The following NECTIN3 variants were observed in gnomAD, a reference collection of about 807,000 sequenced individuals.
NECTIN3 encodes the protein nectin cell adhesion molecule 3, also known as nectin-3.
A neutral mutation model predicts 49.4 loss-of-function variants in NECTIN3; 8 were observed. The observed-to-expected ratio is 0.16, with a 90% CI of 0.10 to 0.29. The LOEUF is 0.29. NECTIN3 is among the 10% of genes least tolerant of loss of function. The probability of loss-of-function intolerance (pLI) is 1.00; values close to 1 mark genes in which losing one functional copy is unlikely to be tolerated. For missense variants in NECTIN3, 581 were observed against 654.6 expected (o/e 0.89, Z 1.23); for synonymous variants, 277 against 241.1 (o/e 1.15, Z -1.38).
rs747000031 is a variant in NECTIN3 at position 111,112,038 on chromosome 3, G to A, written c.169G>A (p.Ala57Thr). 1.2e-6 allele frequency: 2 copies of A among 1,606,442 alleles called. No homozygotes were observed. The highest frequency in any genetic ancestry group is 1.7e-6 in the Non-Finnish European group (2 of 1,175,452). Residue 57 changes from alanine (A) to threonine (T), a missense_variant, in exon 2 of 6, where the codon GCT becomes ACT. Physicochemically the swap from Ala to Thr is moderately conservative, Grantham distance 58. Transcript: ENST00000485303. ...TTTTTTTTCCTCCATAGGTGCCTTA[G>A]CTGGACCAATTATTGTGGAGCCACA... ...LLFSRLCGAL[A>T]GPIIVEPHVT...
chr3:111,072,591 C>T (rs1355282516), intron 1 of NECTIN3: 6 of 1,533,454 alleles, frequency 3.9e-6, no homozygotes, highest in Non-Finnish European at 5.2e-6. Context: ...ACCCTAGGGA[C>T]CGGAGCCCGA....
chr3:111,126,276 T>G lies in NECTIN3; in HGVS notation c.1010T>G (p.Ile337Ser), dbSNP rs1407084284. The change falls in exon 5 of 6, where the codon ATC becomes AGC. Residue 337 changes from isoleucine to serine, a missense_variant. Physicochemically the swap from Ile to Ser is moderately radical, Grantham distance 142. This residue lies in a region of NECTIN3 where 234 missense variants were observed against 340.6 expected (regional missense o/e 0.69). Transcript: ENST00000485303. ...PLTFNYSGVYICKVTNSLGQR... is the reference protein window; with the variant it reads ...PLTFNYSGVYSCKVTNSLGQR... ...ACTTTCAATTATTCTGGTGTTTATA[T>G]CTGTAAAGTGACCAATTCCCTTGGT... 1 of 1,611,232 alleles carries G rather than the reference T, an allele frequency of 6.2e-7. No individual in the cohort carries two copies. Among genetic ancestry groups the G allele is most frequent in the Admixed American group, 1.7e-5 (1 of 59,654 alleles).
chr3:111,160,893 G>C (rs1477206832), intron 7 of NECTIN3, among the ~76,000 whole-genome samples: 1 of 152,180 alleles, frequency 6.6e-6, no homozygotes, highest in African/African-American at 2.4e-5. Flanking sequence ...TGTAGTCCCA[G>C]CTACTTGGGA....
At chr3:111,164,853 A>C (rs997453379) in intron 7 of NECTIN3, among the ~76,000 whole-genome samples, 1 of 152,166 alleles carries the variant, frequency 6.6e-6, no homozygotes, top group South Asian at 2.1e-4. Flanking sequence ...TAGAATTTAG[A>C]CATAACTTTT....
At position 111,090,044 on chromosome 3, in the gene NECTIN3, A is replaced by G. The variant is rs114317069; in HGVS notation, c.160+17867A>G. 1.1e-3 allele frequency among the ~76,000 whole-genome samples: 161 copies of G among 152,190 alleles called. 1 individual carries two copies. Among genetic ancestry groups the G allele is most frequent in the African/African-American group, 3.7e-3 (153 of 41,528 alleles). On this transcript the variant is annotated intron_variant, in intron 1 of 5. Coordinates refer to ENST00000485303, the MANE Select transcript of NECTIN3 (RefSeq NM_015480.3). ...TCTTGCCTTAACATTTACTTTGTCT[A>G]GTTTTCATATAGCTACATAAGTTTA... is the stretch of plus-strand genomic sequence containing the variant.
chr3:111,170,754 G>A (rs988844886), intron 7 of NECTIN3, among the ~76,000 whole-genome samples: 1 of 152,164 alleles, frequency 6.6e-6, no homozygotes, highest in Non-Finnish European at 1.5e-5. Context: ...AGCACCTGAT[G>A]AGCTATCTGG....
chr3:111,079,612 A>G (rs1005672154), intron 1 of NECTIN3, among the ~76,000 whole-genome samples: 1 of 151,790 alleles, frequency 6.6e-6, no homozygotes, highest in African/African-American at 2.4e-5. Flanking sequence ...GGAAGAAGGC[A>G]TATAGCTAAC....
Position 111,134,755 on chromosome 3 carries a change from C to T in NECTIN3, c.*540C>T, listed in dbSNP as rs1276501553. The T allele has an allele frequency of 1.7e-5, 16 of 952,618 alleles. 1 individual carries two copies. In the South Asian group the frequency reaches 7.3e-4, roughly 43 times the overall value. The allele number at this position is 952,618 out of a possible 1,614,324, so 59.0% of individuals were successfully genotyped here. ...GGCTTTCCTTTTCAAACATTATTTT[C>T]TAAGTTTCTATACAAATGAAATCTT... On this transcript the variant is annotated 3_prime_UTR_variant, in exon 6 of 6. Transcript: ENST00000485303.
At chr3:111,118,253 T>TG (rs1559789250) in intron 2 of NECTIN3, among the ~76,000 whole-genome samples, 2 of 113,408 alleles carry the variant, frequency 1.8e-5, no homozygotes, top group African/African-American at 6.8e-5. Context: ...TGAAGCTATA[T>TG]ATATATATAT....
chr3:111,129,271 AT>A (rs1204522729), intron 5 of NECTIN3, among the ~76,000 whole-genome samples: 1 of 151,912 alleles, frequency 6.6e-6, no homozygotes, highest in African/African-American at 2.4e-5. Context: ...CTTTGCTACT[AT>A]TGGTCCCCTT....
At chr3:111,107,182 G>A (rs2033220600) in intron 1 of NECTIN3, among the ~76,000 whole-genome samples, 1 of 151,786 alleles carries the variant, frequency 6.6e-6, no homozygotes, top group Admixed American at 6.6e-5. Flanking sequence ...TCTGTCACAA[G>A]CATCTTCTTG....
upstream of NECTIN3, among the ~76,000 whole-genome samples, chr3:111,190,365 C>T (rs773772080): frequency 6.6e-6 from 1 of 152,168 alleles, no homozygotes; most frequent in Non-Finnish European, 1.5e-5. Flanking sequence ...CTAATAAATT[C>T]ATTAGTGAAC....
intron 1 of NECTIN3, among the ~76,000 whole-genome samples, chr3:111,091,322 C>G (rs1053875345): frequency 6.6e-6 from 1 of 152,152 alleles, no homozygotes. Context: ...GTGGTGCGAT[C>G]TCAGCTCACT....
intron 7 of NECTIN3, among the ~76,000 whole-genome samples, chr3:111,166,602 T>C (rs1037578198): frequency 6.6e-5 from 10 of 152,230 alleles, no homozygotes; most frequent in Non-Finnish European, 1.0e-4. Context: ...TACTTGATGT[T>C]TATCTAATTT....
Position 111,163,977 on chromosome 3 carries a change from G to GAA in NECTIN3, c.1221+16507_1221+16508dup, listed in dbSNP as rs760898538. Among the ~76,000 whole-genome samples the GAA allele has an allele frequency of 1.1e-3, 106 of 96,576 alleles. 1 individual carries two copies. Among genetic ancestry groups the GAA allele is most frequent in the Middle Eastern group, 5.9e-3 (1 of 170 alleles). The allele number at this position is 96,576 out of a possible 152,430, so 63.4% of individuals were successfully genotyped here. On this transcript the variant is annotated intron_variant, in intron 7 of 8. Transcript: ENST00000493615. ...CTGGGAATACTGTCAAAGTAAATCT[G>GAA]AAAAAAAAAAAAAAAGTCAAATAAG...
At chr3:111,185,309 T>C (rs1349573481) in intron 7 of NECTIN3, among the ~76,000 whole-genome samples, 1 of 152,176 alleles carries the variant, frequency 6.6e-6, no homozygotes, top group Non-Finnish European at 1.5e-5. Flanking sequence ...AGATAACACA[T>C]GTGCGTGTGT....
chr3:111,173,820 C>T (rs987272327), intron 7 of NECTIN3, among the ~76,000 whole-genome samples: 2 of 151,868 alleles, frequency 1.3e-5, no homozygotes, highest in African/African-American at 2.4e-5. Context: ...TTTTTGTACA[C>T]CTGCAGCTTC....
chr3:111,177,030 T>C (rs1206787602), intron 7 of NECTIN3, among the ~76,000 whole-genome samples: 1 of 152,170 alleles, frequency 6.6e-6, no homozygotes, highest in Non-Finnish European at 1.5e-5. Flanking sequence ...TTTACTCTTA[T>C]TTTTGCAAAG....
chr3:111,137,828 G>A (rs1382314650), downstream of NECTIN3, among the ~76,000 whole-genome samples: 1 of 147,204 alleles, frequency 6.8e-6, no homozygotes, highest in African/African-American at 2.5e-5. Context: ...AAGTTCAGGG[G>A]TGCATGTACA....
Sources: gnomAD v4.1 joint callset for allele counts (sites outside exome capture counted in the v4.1 genomes callset) on GRCh38, gnomAD v4.1.1 for gene constraint, gnomAD v4.1.1 regional missense constraint, MANE v1.5 for transcripts, NCBI Gene and HGNC (gene_info 2026-07-23, HGNC 2026-07-21) for gene names.